SHLD2: variants seen among roughly 807,000 people sequenced by gnomAD.
The protein encoded by SHLD2 is shieldin complex subunit 2, also known as RINN1-REV7-interacting novel NHEJ regulator 2.
A neutral mutation model predicts 73.2 loss-of-function variants in SHLD2; 30 were observed. The ratio of observed to expected loss-of-function variants is 0.41; its 90% CI spans 0.31 to 0.56. The LOEUF (loss-of-function observed/expected upper bound fraction) is 0.56, where lower values mean the gene tolerates loss of function less well. Among genes scored for constraint, SHLD2 ranks in the 20% least tolerant of loss-of-function variants. The pLI is 0.28. For missense variants in SHLD2, 745 were observed against 1,055.9 expected, an observed-to-expected ratio of 0.71 and a Z score of 4.08; for synonymous variants, 285 against 370.1, an observed-to-expected ratio of 0.77 and a Z score of 2.64.
chr10:87,183,272 G>A (rs1049704444), intron 8 of SHLD2, among the ~76,000 whole-genome samples: 1 of 152,168 alleles, frequency 6.6e-6, no homozygotes, highest in Non-Finnish European at 1.5e-5. Context: ...AAGTAACCTT[G>A]GGAGAAATGT....
chr10:87,151,651 A>G lies in SHLD2; in HGVS notation c.297A>G (p.Thr99=), dbSNP rs779924621. 5 of 1,611,916 alleles carry G rather than the reference A, an allele frequency of 3.1e-6. No homozygotes were observed. Among genetic ancestry groups the G allele is most frequent in the Non-Finnish European group, 4.2e-6 (5 of 1,179,758 alleles). ...KDDFVRSVSE[T]QNIESQKIHS... is the part of the protein sequence containing the mutation. ...ACTTTGTACGTTCTGTTTCTGAAAC[A>G]CAGAATATAGAATCCCAGAAGATTC... The change falls in exon 3 of 10, where the codon ACA becomes ACG. Residue 99 remains threonine, a synonymous_variant. Coordinates refer to ENST00000298786, the MANE Select transcript of SHLD2 (RefSeq NM_001330112.2).
chr10:87,124,666 C>A (rs183518568), intron 2 of SHLD2, among the ~76,000 whole-genome samples: 3 of 151,938 alleles, frequency 2.0e-5, no homozygotes, highest in Non-Finnish European at 4.4e-5. Flanking sequence ...ATCAACTCAA[C>A]TTCTTACATT....
intron 4 of SHLD2, among the ~76,000 whole-genome samples, chr10:87,165,921 G>A (rs1177088041): frequency 6.6e-6 from 1 of 152,128 alleles, no homozygotes; most frequent in Non-Finnish European, 1.5e-5. Context: ...TCAAAACAGA[G>A]TTTTTAAAAA....
At chr10:87,118,877 C>CT (rs1447979744) in intron 2 of SHLD2, among the ~76,000 whole-genome samples, 1 of 152,244 alleles carries the variant, frequency 6.6e-6, no homozygotes, top group African/African-American at 2.4e-5. Context: ...AGCTCCACCT[C>CT]TTTACTATAG....
chr10:87,170,412 T>C (rs1481432781), intron 4 of SHLD2, 66 bp from the exon 5 acceptor site: 1 of 1,152,512 alleles, frequency 8.7e-7, no homozygotes, highest in Admixed American at 2.5e-5. Context: ...TTCTAAAAAA[T>C]ATTATTTGTG....
chr10:87,107,543 G>T (rs1331586751), intron 2 of SHLD2, among the ~76,000 whole-genome samples: 2 of 152,218 alleles, frequency 1.3e-5, no homozygotes, highest in Admixed American at 6.5e-5. Context: ...ATTAAAGGCT[G>T]AGTTGAAGCA....
At position 87,152,759 on chromosome 10, in the gene SHLD2, G is replaced by A. The variant is rs1474678712; in HGVS notation, c.1405G>A (p.Val469Met). ...ATTCGGACCAAATTCTGGCTCTAAA[G>A]TGCCTTTAGCAACAGTTACAGTAAT... ...IKFGPNSGSK[V>M]PLATVTVIDQ... Residue 469 changes from valine to methionine, a missense_variant, in exon 3 of 10, where the codon GTG (valine) becomes ATG (methionine). Val to Met is a conservative substitution (Grantham distance 21). Transcript: ENST00000298786. 2 of 1,611,938 alleles carry A rather than the reference G, an allele frequency of 1.2e-6. No individual in the cohort carries two copies. Among genetic ancestry groups the A allele is most frequent in the African/African-American group, 1.3e-5 (1 of 74,960 alleles).
chr10:87,145,791 T>C (rs2262237), intron 2 of SHLD2, among the ~76,000 whole-genome samples: 95,220 of 140,190 alleles, frequency 0.68, 33,129 homozygotes, highest in East Asian at 0.84. Context: ...CTGAAGCGGC[T>C]TTCTGCAGAT....
chr10:87,136,348 G>A (rs991775152), intron 2 of SHLD2, among the ~76,000 whole-genome samples: 8 of 151,228 alleles, frequency 5.3e-5, no homozygotes, highest in African/African-American at 1.9e-4. Flanking sequence ...ATATGCTTTA[G>A]TATATGCTTT....
At chr10:87,096,782 A>G (rs1841929914) in intron 1 of SHLD2, among the ~76,000 whole-genome samples, 152 bp from the exon 2 acceptor site, 2 of 152,336 alleles carry the variant, frequency 1.3e-5, no homozygotes, top group Admixed American at 1.3e-4. Context: ...TATTGTGTAA[A>G]ATATAAGGTG....
intron 2 of SHLD2, among the ~76,000 whole-genome samples, chr10:87,117,082 C>T (rs551767077): frequency 5.6e-4 from 86 of 152,282 alleles, no homozygotes; most frequent in African/African-American, 1.9e-3. Context: ...GTAGAGACAA[C>T]GTTCCCAAGT....
intron 8 of SHLD2, 70 bp downstream of exon 8, chr10:87,180,373 C>T (rs552004461): frequency 1.9e-6 from 3 of 1,553,182 alleles, no homozygotes; most frequent in East Asian, 2.3e-5. Context: ...AGTCTGTAAA[C>T]CCTTACTTTC....
intron 3 of SHLD2, 128 bp downstream of exon 3, chr10:87,153,007 C>T: frequency 1.1e-6 from 1 of 874,418 alleles, no homozygotes; most frequent in East Asian, 2.6e-5. Context: ...CATAATTGAT[C>T]CCTTTATCGC....
rs1029613383 is a variant in SHLD2 at position 87,191,013 on chromosome 10, G to A, written c.*330G>A. 4 of 325,772 alleles carry A rather than the reference G, an allele frequency of 1.2e-5. No individual in the cohort carries two copies. In the Admixed American group the frequency reaches 1.9e-4, roughly 15 times the overall value. The allele number at this position is 325,772 out of a possible 1,614,324, so 20.2% of individuals were successfully genotyped here. On this transcript the variant is annotated 3_prime_UTR_variant, in exon 10 of 10. Transcript: ENST00000298786. The stretch of plus-strand genomic sequence containing the variant: ...ACATTCCAGGCATTGTACTAAGTAT[G>A]GGGAACCACAGAGAAGACATTCCCT...
chr10:87,111,541 T>C (rs1183650446), intron 2 of SHLD2, among the ~76,000 whole-genome samples: 3 of 149,652 alleles, frequency 2.0e-5, no homozygotes, highest in African/African-American at 7.4e-5. Flanking sequence ...CTTGAGAGGC[T>C]GAGGCACGAG....
intron 2 of SHLD2, among the ~76,000 whole-genome samples, chr10:87,147,909 G>A (rs991065417): frequency 2.6e-5 from 4 of 151,088 alleles, no homozygotes; most frequent in Admixed American, 1.3e-4. Context: ...CCAGACTGGA[G>A]TGCAGTGGTG....
rs141320932 is a variant in SHLD2, at chr10:87,153,380, C to T, written c.1525+501C>T. Among the ~76,000 whole-genome samples, 588 of 152,260 alleles carry T rather than the reference C, an allele frequency of 3.9e-3. 3 individuals are homozygous for T. Among genetic ancestry groups the T allele is most frequent in the African/African-American group, 0.013 (522 of 41,544 alleles). ...TTGATTGGGCCACTGCACTCCAGCC[C>T]GAGCAACAGAGTTAGACCTTTCTGC... On this transcript the variant is annotated intron_variant, in intron 3 of 9. Transcript: ENST00000298786.
chr10:87,115,876 G>A (rs557428572), intron 2 of SHLD2, among the ~76,000 whole-genome samples: 2 of 152,198 alleles, frequency 1.3e-5, no homozygotes, highest in Non-Finnish European at 2.9e-5. Flanking sequence ...GGAGTGATCT[G>A]AGAGGTGGAA....
chr10:87,128,570 T>C (rs576708545), intron 2 of SHLD2, among the ~76,000 whole-genome samples: 1 of 152,376 alleles, frequency 6.6e-6, no homozygotes, highest in Non-Finnish European at 1.5e-5. Context: ...TGATACCTTA[T>C]GTTTTTTGAA....
Sources: gnomAD v4.1 joint callset for allele counts (sites outside exome capture counted in the v4.1 genomes callset) on GRCh38, gnomAD v4.1.1 for gene constraint, MANE v1.5 for transcripts, NCBI Gene and HGNC (gene_info 2026-07-23, HGNC 2026-07-21) for gene names.